The following CSMD1 variants were observed in gnomAD, a reference collection of about 807,000 sequenced individuals.
CSMD1 encodes CUB and sushi domain-containing protein 1.
CSMD1 carries 213 observed loss-of-function variants against 417.5 expected under a neutral mutation model. The ratio of observed to expected loss-of-function variants is 0.51; its 90% CI spans 0.46 to 0.57. The LOEUF (loss-of-function observed/expected upper bound fraction) is 0.57, where lower values mean the gene tolerates loss of function less well. CSMD1 is among the 20% of genes least tolerant of loss of function. The pLI, the probability that CSMD1 is intolerant of heterozygous loss-of-function variation, is 0.00. For missense variants in CSMD1, 6,923 were observed against 4,529.7 expected (o/e 1.53, Z -15.17); for synonymous variants, 2,862 against 1,736.8 (o/e 1.65, Z -16.11).
At chr8:4,929,365 G>T (rs1292138923) in intron 1 of CSMD1, among the ~76,000 whole-genome samples, 1 of 151,698 alleles carries the variant, frequency 6.6e-6, no homozygotes, top group African/African-American at 2.4e-5. Flanking sequence ...GGCAGCCCCA[G>T]CAAGGACTAC....
intron 1 of CSMD1, among the ~76,000 whole-genome samples, chr8:4,826,271 T>A (rs1799819930): frequency 6.6e-6 from 1 of 151,810 alleles, no homozygotes; most frequent in African/African-American, 2.4e-5. Flanking sequence ...AAAGAAAATG[T>A]GACATATACA....
intron 5 of CSMD1, among the ~76,000 whole-genome samples, chr8:3,849,890 C>T (rs917501256): frequency 2.0e-5 from 3 of 152,188 alleles, no homozygotes; most frequent in African/African-American, 7.2e-5. Context: ...ATCTCAGCTT[C>T]CTGCAACCTC....
intron 3 of CSMD1, among the ~76,000 whole-genome samples, chr8:4,255,104 T>C (rs1160357540): frequency 6.6e-6 from 1 of 152,202 alleles, no homozygotes; most frequent in Non-Finnish European, 1.5e-5. Flanking sequence ...CCTCGGTCTC[T>C]CTACTTCTTC....
intron 3 of CSMD1, among the ~76,000 whole-genome samples, chr8:4,205,675 G>T (rs527299563): frequency 6.6e-6 from 1 of 151,942 alleles, no homozygotes; most frequent in East Asian, 1.9e-4. Flanking sequence ...GGCTCATTTG[G>T]GAAATTTTTA....
At chr8:4,807,959 A>C (rs1798685453) in intron 1 of CSMD1, among the ~76,000 whole-genome samples, 1 of 152,192 alleles carries the variant, frequency 6.6e-6, no homozygotes, top group African/African-American at 2.4e-5. Flanking sequence ...CCTCAGTAGG[A>C]GTTCACTTGG....
intron 3 of CSMD1, among the ~76,000 whole-genome samples, chr8:4,328,456 T>C (rs572269538): frequency 6.6e-6 from 1 of 152,096 alleles, no homozygotes; most frequent in African/African-American, 2.4e-5. Context: ...TTGTCACACA[T>C]AAGGTAACAG....
At chr8:4,665,079 A>T (rs1417345297) in intron 1 of CSMD1, among the ~76,000 whole-genome samples, 1 of 151,968 alleles carries the variant, frequency 6.6e-6, no homozygotes, top group Admixed American at 6.6e-5. Flanking sequence ...GTTTCCCTTT[A>T]CTCTCCTTCC....
At chr8:3,129,728 T>G (rs1226258204) in intron 41 of CSMD1, among the ~76,000 whole-genome samples, 3 of 148,726 alleles carry the variant, frequency 2.0e-5, no homozygotes, top group Non-Finnish European at 4.5e-5. Context: ...GTGGCTCATG[T>G]TTGTAATCCC....
chr8:4,886,189 C>T (rs967288247), intron 1 of CSMD1, among the ~76,000 whole-genome samples: 5 of 151,950 alleles, frequency 3.3e-5, no homozygotes, highest in Non-Finnish European at 7.4e-5. Context: ...TCAGGTTTCA[C>T]CATGTTGGCC....
chr8:4,348,161 T>G (rs1352733095), intron 3 of CSMD1, among the ~76,000 whole-genome samples: 4 of 152,180 alleles, frequency 2.6e-5, no homozygotes, highest in African/African-American at 9.6e-5. Flanking sequence ...TTTTAAAACA[T>G]ATTTACTGCA....
At chr8:3,626,809 A>G (rs905664443) in intron 7 of CSMD1, among the ~76,000 whole-genome samples, 1 of 149,950 alleles carries the variant, frequency 6.7e-6, no homozygotes, top group African/African-American at 2.4e-5. Context: ...TACTATGTAT[A>G]CTAAATATAA....
intron 1 of CSMD1, among the ~76,000 whole-genome samples, chr8:4,771,445 C>G (rs1335334286): frequency 2.0e-5 from 3 of 152,214 alleles, no homozygotes; most frequent in Non-Finnish European, 4.4e-5. Flanking sequence ...CAAAACATTA[C>G]TTTAAATACA....
chr8:4,784,549 G>A (rs1352438203), intron 1 of CSMD1, among the ~76,000 whole-genome samples: 1 of 152,120 alleles, frequency 6.6e-6, no homozygotes, highest in African/African-American at 2.4e-5. Context: ...TTAAGATTTA[G>A]TTTTTTCTAC....
At position 3,527,587 on chromosome 8, in the gene CSMD1, T is replaced by TACACAC. The variant is rs150049730; in HGVS notation, c.1345-33867_1345-33862dup. 3.5e-3 allele frequency among the ~76,000 whole-genome samples: 532 copies of TACACAC among 151,116 alleles called. 4 individuals are homozygous for TACACAC. Among genetic ancestry groups the TACACAC allele is most frequent in the African/African-American group, 0.012 (486 of 41,258 alleles). On this transcript the variant is annotated intron_variant, in intron 10 of 69. Transcript: ENST00000635120. ...TGTGATAAAATCGCACAGAACTCTA[T>TACACAC]ACACACACACACACACGGGCATCTA...
At chr8:3,517,965 A>G (rs1384387796) in intron 10 of CSMD1, among the ~76,000 whole-genome samples, 3 of 152,340 alleles carry the variant, frequency 2.0e-5, no homozygotes, top group Middle Eastern at 6.8e-3. Flanking sequence ...GAATTATTAA[A>G]CCTCATCAAT....
chr8:3,665,231 A>G (rs1563249613), intron 7 of CSMD1, among the ~76,000 whole-genome samples: 3 of 152,308 alleles, frequency 2.0e-5, no homozygotes, highest in South Asian at 4.1e-4. Context: ...AATAAAATAT[A>G]ATTTGTCAGC....
intron 10 of CSMD1, among the ~76,000 whole-genome samples, chr8:3,520,039 T>TATATATATATATATATATATATATATAC (rs545212684): frequency 2.1e-4 from 31 of 147,174 alleles, no homozygotes; most frequent in African/African-American, 7.5e-4. Flanking sequence ...TATATATATA[T>TATATATATATATATATATATATATATAC]ACACGTATAG....
intron 2 of CSMD1, among the ~76,000 whole-genome samples, chr8:4,497,181 G>T (rs1802019338): frequency 6.6e-6 from 1 of 152,098 alleles, no homozygotes; most frequent in Non-Finnish European, 1.5e-5. Flanking sequence ...TCCAGAGCAT[G>T]TGGTCTTTTA....
At chr8:4,691,688 A>C (rs1401239725) in intron 1 of CSMD1, among the ~76,000 whole-genome samples, 1 of 152,220 alleles carries the variant, frequency 6.6e-6, no homozygotes, top group African/African-American at 2.4e-5. Flanking sequence ...GCCTGCCTTA[A>C]CTACGCTTAT....
Sources: gnomAD v4.1 joint callset for allele counts (sites outside exome capture counted in the v4.1 genomes callset) on GRCh38, gnomAD v4.1.1 for gene constraint, MANE v1.5 for transcripts, NCBI Gene and HGNC (gene_info 2026-07-23, HGNC 2026-07-21) for gene names.